The following KIF21B variants were observed in gnomAD, a reference collection of about 807,000 sequenced individuals.
The protein encoded by KIF21B is kinesin-like protein KIF21B.
Under a neutral mutation model 192.9 loss-of-function variants are expected in KIF21B, and 85 were observed. The observed-to-expected ratio is 0.44, with a 90% CI of 0.37 to 0.53. KIF21B has a LOEUF of 0.53. Among genes scored for constraint, KIF21B ranks in the 20% least tolerant of loss-of-function variants. KIF21B has a pLI of 0.00. For missense variants in KIF21B, 1,716 were observed against 2,194.8 expected, an observed-to-expected ratio of 0.78 and a Z score of 4.36; for synonymous variants, 832 against 884.6, an observed-to-expected ratio of 0.94 and a Z score of 1.05.
intron 14 of KIF21B, among the ~76,000 whole-genome samples, chr1:200,997,368 C>A (rs1657129979): frequency 6.6e-6 from 1 of 152,208 alleles, no homozygotes; most frequent in African/African-American, 2.4e-5. Context: ...GTCTGGGACG[C>A]TCTTCCCCTG....
chr1:200,981,125 G>A (rs1655893363), intron 28 of KIF21B, 29 bp from the exon 29 acceptor site: 1 of 1,571,554 alleles, frequency 6.4e-7, no homozygotes. Context: ...GAGAAGGCAT[G>A]CTCGTCAGCC....
At chr1:201,019,770 T>G (rs1021753172) in intron 1 of KIF21B, among the ~76,000 whole-genome samples, 4 of 152,024 alleles carry the variant, frequency 2.6e-5, no homozygotes, top group East Asian at 1.9e-4. Flanking sequence ...GTTTCTGAGA[T>G]CTGTAAACTG....
In KIF21B at chr1:201,008,864, C is replaced by T. The variant is rs770974908; in HGVS notation, c.352G>A (p.Ala118Thr). 1.8e-5 allele frequency: 29 copies of T among 1,610,948 alleles called. No individual in the cohort carries two copies. Among genetic ancestry groups the T allele is most frequent in the South Asian group, 1.1e-4 (10 of 91,086 alleles). The change falls in exon 3 of 35, where the codon GCA becomes ACA. Residue 118 changes from alanine to threonine, a missense_variant. Transcript: ENST00000461742. ...TCGGCAATGCCCCCAAAGAGGTGTG[C>T]GATGGCCCTCGGGATGATGCCCTGC... ...EEQGIIPRAI[A>T]HLFGGIAERK...
At chr1:200,979,064 TA>T (rs111674075) in intron 30 of KIF21B, among the ~76,000 whole-genome samples, 1 of 152,056 alleles carries the variant, frequency 6.6e-6, no homozygotes. Context: ...TGACTTCTGC[TA>T]AAAAAAACCA....
At position 200,972,120 on chromosome 1, in the gene KIF21B, AG is replaced by A. The variant is rs1655246739; in HGVS notation, c.*1400del. The A allele has an allele frequency of 6.6e-6, 1 of 152,130 alleles. No homozygotes were observed. Among genetic ancestry groups the A allele is most frequent in the South Asian group, 2.1e-4 (1 of 4,828 alleles). 9.4% of individuals were successfully genotyped at this position (152,130 alleles called of 1,614,324 possible). The stretch of plus-strand genomic sequence containing the variant: ...CCCCAAGGCCCACTCCTGTAATTCC[AG>A]AGTTCCCCCAACAGGGGGCGCCAGA... On this transcript the variant is annotated 3_prime_UTR_variant, in exon 35 of 35. Transcript: ENST00000461742.
At chr1:200,979,457 G>C in intron 30 of KIF21B, 78 bp downstream of exon 30, 1 of 1,183,462 alleles carries the variant, frequency 8.4e-7, no homozygotes, top group Middle Eastern at 2.1e-4. Flanking sequence ...TGCTGAGTGG[G>C]TCACTTGGGC....
intron 22 of KIF21B, 47 bp from the exon 23 acceptor site, chr1:200,988,591 A>G (rs763266743): frequency 6.6e-7 from 1 of 1,516,796 alleles, no homozygotes; most frequent in South Asian, 1.2e-5. Context: ...AGCCCTGTCC[A>G]AGTGTCGGGG....
chr1:201,007,623 GACACAGACAGGCACACACACACAC>G (rs1657975023), intron 3 of KIF21B, among the ~76,000 whole-genome samples: 1 of 126,136 alleles, frequency 7.9e-6, no homozygotes, highest in African/African-American at 3.0e-5. Flanking sequence ...CACACACACA[GACACAGACAGGCACACACACACAC>G]ACACAGACGC....
chr1:201,012,842 C>T (rs1658313026), intron 1 of KIF21B, among the ~76,000 whole-genome samples: 1 of 152,126 alleles, frequency 6.6e-6, no homozygotes, highest in Non-Finnish European at 1.5e-5. Flanking sequence ...CAACGTTTTG[C>T]CATGTTGCCC....
rs752034446 is a variant in KIF21B, at chr1:200,973,218, G to A, written c.*303C>T. The stretch of plus-strand genomic sequence containing the variant: ...AAAGGCCTGAGAAAGGGGCAGAGCC[G>A]GTTCAGCAGGAGACAATGTGGCCAC... On this transcript the variant is annotated 3_prime_UTR_variant, in exon 35 of 35. Transcript: ENST00000461742. The A allele has an allele frequency of 5.7e-5, 19 of 335,138 alleles. No homozygotes were observed. Among genetic ancestry groups the A allele is most frequent in the African/African-American group, 8.5e-5 (4 of 46,886 alleles). The allele number at this position is 335,138 out of a possible 1,614,324, so 20.8% of individuals were successfully genotyped here. A position where few individuals can be genotyped will look rare whatever the true frequency, so the allele number is the denominator to read the frequency against.
intron 9 of KIF21B, 42 bp downstream of exon 9, chr1:201,002,119 G>A: frequency 1.3e-6 from 2 of 1,584,176 alleles, no homozygotes; most frequent in Non-Finnish European, 1.7e-6. Context: ...GGGAGTCCTA[G>A]CCCGTTGGTG....
rs1658600509 is a variant in KIF21B, at chr1:201,017,997, C to T, written c.41+5346G>A. ...CTCTGGGGCCAAGGAAGAGCCGTTC[C>T]AGTCCAGCTTCCCTCATGGCAGGGA... On this transcript the variant is annotated intron_variant, in intron 1 of 34. Coordinates refer to ENST00000461742, the MANE Select transcript of KIF21B (RefSeq NM_001252102.2). The surrounding 1 kb of genome is among the most constrained non-coding windows in gnomAD (Gnocchi z 4.1). Among the ~76,000 whole-genome samples the T allele has an allele frequency of 6.6e-6, 1 of 152,156 alleles. No individual in the cohort carries two copies. Among genetic ancestry groups the T allele is most frequent in the African/African-American group, 2.4e-5 (1 of 41,428 alleles).
rs1348287678 is a variant in KIF21B at position 200,977,390 on chromosome 1, A to C, written c.4161-14T>G. On this transcript the variant is annotated splice_polypyrimidine_tract_variant and intron_variant, in intron 30 of 34. Transcript: ENST00000461742. ...TGGCCCGAGGACCTGCCCATCGGAG[A>C]AAGGCAAGGCCAGAGGTCAAAACAA... 3 of 1,612,574 alleles carry C rather than the reference A, an allele frequency of 1.9e-6. No homozygotes were observed. Among genetic ancestry groups the C allele is most frequent in the Non-Finnish European group, 1.7e-6 (2 of 1,178,734 alleles).
chr1:201,020,812 C>T (rs998394385), intron 1 of KIF21B, among the ~76,000 whole-genome samples: 5 of 141,186 alleles, frequency 3.5e-5, no homozygotes, highest in Non-Finnish European at 6.0e-5. Flanking sequence ...CTCCTCTACA[C>T]ACACACACAC....
At chr1:201,006,962 A>G (rs12121514) in intron 3 of KIF21B, among the ~76,000 whole-genome samples, 53,419 of 117,628 alleles carry the variant, frequency 0.45, 12,874 homozygotes, top group African/African-American at 0.66. Flanking sequence ...ACACACACAC[A>G]CAGACACCCA....
intron 6 of KIF21B, 36 bp from the exon 7 acceptor site, chr1:201,004,491 CA>C: frequency 6.6e-7 from 1 of 1,521,220 alleles, no homozygotes; most frequent in Non-Finnish European, 8.9e-7. Flanking sequence ...AGCAGTCACT[CA>C]GGGAGCGAAG....
In KIF21B at chr1:200,982,821, C is replaced by A. The variant is rs1005953137; in HGVS notation, c.3842+235G>T. ...AGGGCCTGCGACAAGCAACTGTGCA[C>A]CCTCCCCAAGCCCCCAGCTCTAGCT... is the stretch of plus-strand genomic sequence containing the variant. On this transcript the variant is annotated intron_variant, in intron 28 of 34. Transcript: ENST00000461742. This position sits in a 1 kb window ranked among gnomAD's most constrained non-coding sequence, Gnocchi z 4.7. 2.0e-5 allele frequency among the ~76,000 whole-genome samples: 3 copies of A among 152,158 alleles called. No individual in the cohort carries two copies. Among genetic ancestry groups the A allele is most frequent in the African/African-American group, 7.2e-5 (3 of 41,442 alleles).
chr1:201,000,490 T>G lies in KIF21B; in HGVS notation c.1585A>C (p.Ser529Arg). 1 of 1,608,254 alleles carries G rather than the reference T, an allele frequency of 6.2e-7. No individual in the cohort carries two copies. The highest frequency in any genetic ancestry group is 8.5e-7 in the Non-Finnish European group (1 of 1,176,660). Residue 529 changes from serine (S) to arginine (R), a missense_variant, in exon 11 of 35, where the codon AGC becomes CGC. Ser to Arg is a moderately radical substitution (Grantham distance 110, BLOSUM62 -1). Around this residue, in one of 3 missense-constraint regions of KIF21B, gnomAD observed 1,087 missense variants for 1,316.6 expected, o/e 0.83. Coordinates refer to ENST00000461742, the MANE Select transcript of KIF21B (RefSeq NM_001252102.2). The surrounding 1 kb of genome is among the most constrained non-coding windows in gnomAD (Gnocchi z 6.0). Reference protein sequence around the residue: ...ASPAAPAFGGSPASSMEDASE... With the variant: ...ASPAAPAFGGRPASSMEDASE... ...GCATCCTCCATGGAGCTGGCAGGGC[T>G]GCCCCCGAAGGCCGGGGCGGCTGGA...
Position 201,009,294 on chromosome 1 carries a change from TAGCCCTCGAAGC to T in KIF21B, c.224_235del (p.Cys75_Gly78del). ...CCCATAGGCCAGCACCGTGGCATTA[TAGCCCTCGAAGC>T]AGCCCTCGATGAGCTTGCTCACACA... is the stretch of plus-strand genomic sequence containing the variant. On this transcript the variant is annotated inframe_deletion, in exon 2 of 35. Coordinates refer to ENST00000461742, the MANE Select transcript of KIF21B (RefSeq NM_001252102.2). The T allele has an allele frequency of 6.2e-7, 1 of 1,614,248 alleles. No homozygotes were observed. Among genetic ancestry groups the T allele is most frequent in the Non-Finnish European group, 8.5e-7 (1 of 1,180,032 alleles).
Sources: gnomAD v4.1 joint callset for allele counts (sites outside exome capture counted in the v4.1 genomes callset) on GRCh38, gnomAD v4.1.1 for gene constraint, gnomAD v4.1.1 regional missense constraint, Gnocchi (gnomAD v3.1) non-coding constraint, MANE v1.5 for transcripts, NCBI Gene and HGNC (gene_info 2026-07-23, HGNC 2026-07-21) for gene names.